NELL1: variants seen among roughly 807,000 people sequenced by gnomAD.
The protein encoded by NELL1 is protein kinase C-binding protein NELL1.
Under a neutral mutation model 107.4 loss-of-function variants are expected in NELL1, and 76 were observed. The observed-to-expected ratio is 0.71, with a 90% confidence interval of 0.59 to 0.86. The LOEUF (loss-of-function observed/expected upper bound fraction) is 0.86, where lower values mean the gene tolerates loss of function less well. NELL1 is among the 40% of genes least tolerant of loss of function. The pLI, the probability that NELL1 is intolerant of heterozygous loss-of-function variation, is 0.00. For missense variants in NELL1, 1,024 were observed against 1,005.5 expected (o/e 1.02, Z -0.25); for synonymous variants, 353 against 341.2 (o/e 1.03, Z -0.38).
chr11:21,575,073 C>A lies in NELL1; in HGVS notation c.*51C>A, dbSNP rs530872226. 11 of 1,452,186 alleles carry A rather than the reference C, an allele frequency of 7.6e-6. No individual in the cohort carries two copies. Among genetic ancestry groups the A allele is most frequent in the Non-Finnish European group, 2.9e-6 (3 of 1,034,284 alleles). 90.0% of individuals were successfully genotyped at this position (1,452,186 alleles called of 1,614,324 possible). A position where few individuals can be genotyped will look rare whatever the true frequency, so the allele number is the denominator to read the frequency against. ...AAGAATGGACGAAATGACCATCCAA[C>A]GTGATTAAGGATAGGAATCGGTAGT... On this transcript the variant is annotated 3_prime_UTR_variant, in exon 20 of 20. Transcript: ENST00000357134.
intron 4 of NELL1, among the ~76,000 whole-genome samples, chr11:20,868,992 T>C (rs903821618): frequency 2.6e-5 from 4 of 152,288 alleles, no homozygotes; most frequent in Non-Finnish European, 4.4e-5. Context: ...TGGTGTATTA[T>C]ATAGCCAGTG....
chr11:21,393,460 TA>T (rs535453021), intron 15 of NELL1, among the ~76,000 whole-genome samples: 10 of 151,554 alleles, frequency 6.6e-5, no homozygotes, highest in African/African-American at 2.2e-4. Context: ...ACAGTAAAGC[TA>T]AAAAAAATTC....
At chr11:21,331,466 G>T (rs1850271570) in intron 14 of NELL1, among the ~76,000 whole-genome samples, 1 of 152,056 alleles carries the variant, frequency 6.6e-6, no homozygotes, top group Non-Finnish European at 1.5e-5. Flanking sequence ...TTGTTCCTCA[G>T]AGGATGCAGG....
chr11:21,031,166 A>C (rs2063916), intron 12 of NELL1, among the ~76,000 whole-genome samples: 20,661 of 152,218 alleles, frequency 0.14, 1,615 homozygotes, highest in South Asian at 0.2. Context: ...ATGACTAGGT[A>C]ACATTGCACT....
chr11:21,167,540 T>A (rs11025954), intron 13 of NELL1, among the ~76,000 whole-genome samples: 1 of 151,526 alleles, frequency 6.6e-6, no homozygotes, highest in Non-Finnish European at 1.5e-5. Flanking sequence ...TTACTTTAGA[T>A]ACTGCAGTTC....
At chr11:20,690,757 G>A (rs1854442052) in intron 2 of NELL1, among the ~76,000 whole-genome samples, 1 of 151,810 alleles carries the variant, frequency 6.6e-6, no homozygotes. Context: ...GATTGACTTG[G>A]CGATGTGGGC....
rs965488304 is a variant in NELL1 at position 21,126,994 on chromosome 11, A to T, written c.1426+13280A>T. The stretch of plus-strand genomic sequence containing the variant: ...TCTGTTAGCTCCCTTTAAAAATTTA[A>T]CTTTGTTCCCTGAGAAGGGAAGCCC... On this transcript the variant is annotated intron_variant, in intron 13 of 19. Coordinates refer to ENST00000357134, the MANE Select transcript of NELL1 (RefSeq NM_006157.5). Among the ~76,000 whole-genome samples, 3 of 152,222 alleles carry T rather than the reference A, an allele frequency of 2.0e-5. No individual in the cohort carries two copies. In the South Asian group the frequency reaches 6.2e-4, roughly 32 times the overall value.
chr11:21,056,619 C>T (rs1463292842), intron 12 of NELL1, among the ~76,000 whole-genome samples: 1 of 152,092 alleles, frequency 6.6e-6, no homozygotes, highest in Non-Finnish European at 1.5e-5. Context: ...CATGTTTTCT[C>T]GCTGGACAGA....
At chr11:20,802,992 G>A (rs78736912) in intron 3 of NELL1, among the ~76,000 whole-genome samples, 11,267 of 152,034 alleles carry the variant, frequency 0.074, 480 homozygotes, top group Middle Eastern at 0.16. Flanking sequence ...AGGATTTTTT[G>A]CAACAATGTT....
chr11:20,932,485 A>G (rs572248730), intron 9 of NELL1, among the ~76,000 whole-genome samples: 5 of 152,340 alleles, frequency 3.3e-5, no homozygotes, highest in Middle Eastern at 3.4e-3. Context: ...TTGTATCCCA[A>G]TGAAGCCATT....
intron 14 of NELL1, among the ~76,000 whole-genome samples, chr11:21,338,364 C>T (rs1208014284): frequency 6.6e-6 from 1 of 152,128 alleles, no homozygotes; most frequent in Non-Finnish European, 1.5e-5. Flanking sequence ...CATATGGTTG[C>T]CCATCACACA....
intron 12 of NELL1, among the ~76,000 whole-genome samples, chr11:20,964,759 T>C (rs1272922038): frequency 6.6e-6 from 1 of 152,182 alleles, no homozygotes; most frequent in Admixed American, 6.6e-5. Flanking sequence ...GGACGTGACA[T>C]GTAGTTTCAG....
intron 12 of NELL1, among the ~76,000 whole-genome samples, chr11:21,093,986 T>A (rs1482003429): frequency 6.6e-6 from 1 of 152,200 alleles, no homozygotes; most frequent in Non-Finnish European, 1.5e-5. Context: ...GAGTCTTAAC[T>A]CATTTTAGCA....
At chr11:20,982,923 G>A (rs1851777345) in intron 12 of NELL1, among the ~76,000 whole-genome samples, 1 of 152,160 alleles carries the variant, frequency 6.6e-6, no homozygotes, top group South Asian at 2.1e-4. Context: ...ATTTACCTTT[G>A]TTTTGGTAAA....
chr11:21,336,748 A>G (rs1565174687), intron 14 of NELL1, among the ~76,000 whole-genome samples: 2 of 150,348 alleles, frequency 1.3e-5, no homozygotes. Flanking sequence ...TTTTAGTTTT[A>G]CTGTCTGTTT....
At chr11:21,448,577 G>A (rs1352099791) in intron 15 of NELL1, among the ~76,000 whole-genome samples, 1 of 152,150 alleles carries the variant, frequency 6.6e-6, no homozygotes, top group Admixed American at 6.5e-5. Flanking sequence ...AGGTCTAACT[G>A]ACATAGAAAA....
intron 14 of NELL1, among the ~76,000 whole-genome samples, chr11:21,253,767 G>GCCC (rs1858698105): frequency 6.6e-5 from 10 of 152,036 alleles, no homozygotes; most frequent in Admixed American, 6.6e-4. Context: ...ATGTCTAAAG[G>GCCC]CAGGGATGTG....
At chr11:20,833,776 T>C (rs941444003) in intron 3 of NELL1, among the ~76,000 whole-genome samples, 4 of 152,046 alleles carry the variant, frequency 2.6e-5, no homozygotes, top group Non-Finnish European at 5.9e-5. Context: ...GCTAGGGAAA[T>C]AATGGGATAA....
intron 15 of NELL1, among the ~76,000 whole-genome samples, chr11:21,436,222 T>C (rs978905742): frequency 1.3e-5 from 2 of 152,062 alleles, no homozygotes; most frequent in African/African-American, 4.8e-5. Flanking sequence ...GTCCAGCTAA[T>C]TTTTGTATTT....
Sources: allele counts gnomAD v4.1 joint callset (sites outside exome capture counted in the v4.1 genomes callset), GRCh38; gene constraint gnomAD v4.1.1; transcripts MANE v1.5; gene names NCBI Gene and HGNC (gene_info 2026-07-23, HGNC 2026-07-21).